EYS: variants seen among roughly 807,000 people sequenced by gnomAD.
EYS encodes protein eyes shut homolog.
EYS carries 250 observed loss-of-function variants against 282.1 expected under a neutral mutation model. The ratio of observed to expected loss-of-function variants is 0.89; its 90% CI spans 0.80 to 0.98. EYS has a LOEUF of 0.98. Among genes scored for constraint, EYS ranks in the 50% least tolerant of loss-of-function variants. EYS has a pLI of 0.00. For synonymous variants in EYS, 1,355 were observed against 1,282.9 expected (o/e 1.06, Z -1.20); for missense variants, 4,016 against 3,709.0 (o/e 1.08, Z -2.15).
chr6:65,687,079 G>A (rs569791409), intron 1 of EYS, among the ~76,000 whole-genome samples: 7 of 152,122 alleles, frequency 4.6e-5, no homozygotes, highest in Admixed American at 2.0e-4. Flanking sequence ...TCACGCATGA[G>A]TGATAAAGGA....
At chr6:63,926,940 G>C (rs1447491723) in intron 35 of EYS, among the ~76,000 whole-genome samples, 1 of 152,128 alleles carries the variant, frequency 6.6e-6, no homozygotes, top group Non-Finnish European at 1.5e-5. Flanking sequence ...AATATTTGTG[G>C]ATTTTTTCAA....
At chr6:65,139,095 A>G (rs1575228) in intron 12 of EYS, among the ~76,000 whole-genome samples, 138,799 of 152,096 alleles carry the variant, frequency 0.91, 63,873 homozygotes, top group African/African-American at 0.98. Flanking sequence ...TACCCAAATG[A>G]AATATAAATT....
chr6:64,306,839 G>T, intron 30 of EYS, 131 bp downstream of exon 30: 1 of 620,836 alleles, frequency 1.6e-6, no homozygotes, highest in Non-Finnish European at 2.8e-6. Flanking sequence ...GAAGTAGAAC[G>T]TAGGAATGTG....
At chr6:64,877,625 G>A (rs1214673442) in intron 19 of EYS, among the ~76,000 whole-genome samples, 1 of 152,092 alleles carries the variant, frequency 6.6e-6, no homozygotes, top group Non-Finnish European at 1.5e-5. Context: ...AATGTGGAAA[G>A]AAAATGGCAA....
intron 1 of EYS, among the ~76,000 whole-genome samples, chr6:65,649,069 C>G (rs2149817415): frequency 7.0e-6 from 1 of 141,950 alleles, no homozygotes; most frequent in East Asian, 2.1e-4. Flanking sequence ...TCACTTGAAC[C>G]TGGGAGGCCA....
At chr6:64,675,531 A>C (rs1381902989) in intron 22 of EYS, among the ~76,000 whole-genome samples, 2 of 146,970 alleles carry the variant, frequency 1.4e-5, no homozygotes, top group African/African-American at 5.0e-5. Flanking sequence ...AGGTTCAAGC[A>C]ATTCTCCTGC....
intron 2 of EYS, among the ~76,000 whole-genome samples, chr6:65,584,726 T>C (rs767970775): frequency 6.6e-6 from 1 of 151,870 alleles, no homozygotes; most frequent in Non-Finnish European, 1.5e-5. Context: ...CTTACGTTGC[T>C]ATATAATTAT....
At chr6:64,811,687 C>A (rs1764599934) in intron 22 of EYS, among the ~76,000 whole-genome samples, 1 of 152,138 alleles carries the variant, frequency 6.6e-6, no homozygotes, top group Non-Finnish European at 1.5e-5. Context: ...CCTCTCCTGT[C>A]TGGTCCTTCT....
chr6:64,435,439 T>A (rs1374544847), intron 28 of EYS, among the ~76,000 whole-genome samples: 2 of 68,112 alleles, frequency 2.9e-5, no homozygotes, highest in Admixed American at 3.0e-4. Context: ...TTCTTCTTCC[T>A]TTTTTTTTTT....
At chr6:63,922,518 A>G (rs1260233379) in intron 35 of EYS, among the ~76,000 whole-genome samples, 1 of 152,142 alleles carries the variant, frequency 6.6e-6, no homozygotes, top group Non-Finnish European at 1.5e-5. Flanking sequence ...AGCCAAGATC[A>G]TGCCACTGCA....
chr6:64,973,340 G>A (rs943619204), intron 14 of EYS, among the ~76,000 whole-genome samples: 24 of 151,892 alleles, frequency 1.6e-4, no homozygotes, highest in Admixed American at 5.9e-4. Flanking sequence ...TTACTCTTAC[G>A]TCATAAGTAA....
At chr6:65,039,308 A>G (rs1015264735) in intron 13 of EYS, among the ~76,000 whole-genome samples, 5 of 151,512 alleles carry the variant, frequency 3.3e-5, no homozygotes, top group Non-Finnish European at 7.4e-5. Context: ...GTTGAAAATA[A>G]ATTAATTGTA....
intron 26 of EYS, among the ~76,000 whole-genome samples, chr6:64,495,030 T>C (rs76953148): frequency 0.024 from 3,677 of 151,800 alleles, 140 homozygotes; most frequent in African/African-American, 0.084. Flanking sequence ...ATTACTGTGA[T>C]ATGTAAGATT....
At chr6:65,589,645 T>G (rs935162431) in intron 2 of EYS, among the ~76,000 whole-genome samples, 1 of 152,034 alleles carries the variant, frequency 6.6e-6, no homozygotes, top group Non-Finnish European at 1.5e-5. Flanking sequence ...AGAAATTGGC[T>G]ACATTCTAGA....
chr6:65,050,165 A>G (rs1773227436), intron 13 of EYS, among the ~76,000 whole-genome samples: 1 of 151,428 alleles, frequency 6.6e-6, no homozygotes, highest in Non-Finnish European at 1.5e-5. Flanking sequence ...GCAAAAAAAT[A>G]TTTTGTTTTA....
intron 31 of EYS, among the ~76,000 whole-genome samples, chr6:64,228,467 ATTC>A (rs1766317025): frequency 6.6e-6 from 1 of 152,172 alleles, no homozygotes; most frequent in South Asian, 2.1e-4. Flanking sequence ...AATTAAAGTT[ATTC>A]TTCAAATGCA....
At chr6:65,333,493 T>TA (rs1333697094) in intron 11 of EYS, among the ~76,000 whole-genome samples, 1 of 151,652 alleles carries the variant, frequency 6.6e-6, no homozygotes, top group African/African-American at 2.4e-5. Context: ...CATGTACATT[T>TA]AAGAAGGTTA....
chr6:65,321,923 G>A (rs1230967870), intron 11 of EYS, among the ~76,000 whole-genome samples: 1 of 152,166 alleles, frequency 6.6e-6, no homozygotes, highest in African/African-American at 2.4e-5. Context: ...TGGGAGAATA[G>A]GCAAGTCACT....
chr6:63,868,891 G>C (rs1249393961), intron 35 of EYS, among the ~76,000 whole-genome samples: 1 of 152,124 alleles, frequency 6.6e-6, no homozygotes, highest in Admixed American at 6.5e-5. Flanking sequence ...ATTTTTCTTT[G>C]TCTGTTTCTA....
Sources: allele counts gnomAD v4.1 joint callset (sites outside exome capture counted in the v4.1 genomes callset), GRCh38; gene constraint gnomAD v4.1.1; transcripts MANE v1.5; gene names NCBI Gene and HGNC (gene_info 2026-07-23, HGNC 2026-07-21).